The following TMEM130 variants were observed in gnomAD, a reference collection of about 807,000 sequenced individuals.
TMEM130 encodes transmembrane protein 130.
Under a neutral mutation model 42.9 loss-of-function variants are expected in TMEM130, and 37 were observed. The observed-to-expected ratio is 0.86, with a 90% CI of 0.66 to 1.13. TMEM130 has a LOEUF of 1.13. Among genes scored for constraint, TMEM130 ranks in the 50% most tolerant of loss-of-function variants. The probability of loss-of-function intolerance (pLI) is 0.00; values close to 1 mark genes in which losing one functional copy is unlikely to be tolerated. For missense variants in TMEM130, 545 were observed against 562.6 expected (o/e 0.97, Z 0.32); for synonymous variants, 259 against 237.7 (o/e 1.09, Z -0.82).
intron 5 of TMEM130, among the ~76,000 whole-genome samples, chr7:98,852,926 G>A (rs1480329732): frequency 6.6e-6 from 1 of 152,144 alleles, no homozygotes; most frequent in Non-Finnish European, 1.5e-5. Context: ...GGTAGCCAGA[G>A]AAGGCTTCCT....
Position 98,869,205 on chromosome 7 carries a change from C to T in TMEM130, c.85+572G>A. ...CCCACTCCCCCACCCACACACACAC[C>T]CCAGGAACCTGTCAGCTCCGGGTCC... On this transcript the variant is annotated intron_variant, in intron 1 of 7. Transcript: ENST00000339375. The surrounding 1 kb of genome is among the most constrained non-coding windows in gnomAD (Gnocchi z 4.7). 7.8e-7 allele frequency: 1 copy of T among 1,288,960 alleles called. No homozygotes were observed. Among genetic ancestry groups the T allele is most frequent in the Non-Finnish European group, 1.0e-6 (1 of 988,678 alleles). 79.8% of individuals were successfully genotyped at this position (1,288,960 alleles called of 1,614,324 possible). A position where few individuals can be genotyped will look rare whatever the true frequency, so the allele number is the denominator to read the frequency against.
chr7:98,859,730 AAATTAATT>A (rs1407824091), intron 3 of TMEM130, among the ~76,000 whole-genome samples: 1 of 114,332 alleles, frequency 8.7e-6, no homozygotes, highest in African/African-American at 2.6e-5. Context: ...ATAAATAAAT[AAATTAATT>A]AATTAATTAA....
chr7:98,856,291 C>T (rs1794632378), intron 3 of TMEM130, 108 bp from the exon 4 acceptor site: 3 of 1,080,590 alleles, frequency 2.8e-6, no homozygotes, highest in Non-Finnish European at 1.3e-6. Context: ...GGAGGCTGTA[C>T]AGTGATACTC....
At chr7:98,867,262 T>C (rs1554400751) in intron 1 of TMEM130, among the ~76,000 whole-genome samples, 1 of 152,080 alleles carries the variant, frequency 6.6e-6, no homozygotes, top group East Asian at 1.9e-4. Context: ...AGAGTGGGTA[T>C]ATGATATTGA....
intron 5 of TMEM130, 76 bp downstream of exon 5, chr7:98,855,162 GAA>G: frequency 1.5e-6 from 2 of 1,344,900 alleles, no homozygotes; most frequent in Non-Finnish European, 2.1e-6. Flanking sequence ...TCACAGAGCA[GAA>G]CAGACTTGGG....
chr7:98,848,494 A>G, intron 7 of TMEM130, 89 bp downstream of exon 7: 1 of 984,362 alleles, frequency 1.0e-6, no homozygotes, highest in Non-Finnish European at 1.6e-6. Context: ...GACCCCCTCC[A>G]GGCATCCTGG....
intron 1 of TMEM130, among the ~76,000 whole-genome samples, chr7:98,865,098 T>C (rs991790748): frequency 3.9e-5 from 6 of 152,204 alleles, no homozygotes; most frequent in Admixed American, 6.5e-5. Flanking sequence ...GCTTGGCACA[T>C]AGCAGGTGTT....
chr7:98,858,365 AC>A (rs71118637), intron 3 of TMEM130, among the ~76,000 whole-genome samples: 127,578 of 151,722 alleles, frequency 0.84, 53,778 homozygotes, highest in South Asian at 0.88. Context: ...ACATAGTGAG[AC>A]CCCATCTCTA....
At chr7:98,865,073 T>C (rs1794877345) in intron 1 of TMEM130, among the ~76,000 whole-genome samples, 1 of 152,252 alleles carries the variant, frequency 6.6e-6, no homozygotes, top group Non-Finnish European at 1.5e-5. Flanking sequence ...CCATCATCCC[T>C]GTGACCAGCA....
At chr7:98,867,583 T>C (rs1261240874) in intron 1 of TMEM130, among the ~76,000 whole-genome samples, 1 of 152,082 alleles carries the variant, frequency 6.6e-6, no homozygotes, top group Non-Finnish European at 1.5e-5. Flanking sequence ...GACAGACGCA[T>C]GTTATCACGC....
intron 6 of TMEM130, among the ~76,000 whole-genome samples, chr7:98,850,934 G>T (rs1554398105): frequency 6.6e-6 from 1 of 152,190 alleles, no homozygotes; most frequent in African/African-American, 2.4e-5. Flanking sequence ...CATTGGCATG[G>T]TTGCTTTCGG....
chr7:98,858,693 T>C (rs1311052130), intron 3 of TMEM130, among the ~76,000 whole-genome samples: 1 of 151,474 alleles, frequency 6.6e-6, no homozygotes, highest in Non-Finnish European at 1.5e-5. Flanking sequence ...TCTACAAAAA[T>C]ATTTTAAAAT....
At position 98,856,142 on chromosome 7, in the gene TMEM130, T is replaced by C. The variant is rs782510542; in HGVS notation, c.593A>G (p.Tyr198Cys). The part of the protein sequence containing the change: ...VTEDSVVYYN[Y>C]SIIGTFTVKL... ...CACGGTGAAGGTCCCGATGATGGAATAGTTATAATAGACCACGGAGTCTTC... is the reference window on the plus strand; with the variant it reads ...CACGGTGAAGGTCCCGATGATGGAACAGTTATAATAGACCACGGAGTCTTC... The change falls in exon 4 of 8, where the codon TAT (tyrosine) becomes TGT (cysteine). Residue 198 changes from tyrosine to cysteine, a missense_variant. Physicochemically the swap from Tyr to Cys is radical, Grantham distance 194. Transcript: ENST00000339375. 1 of 1,613,972 alleles carries C rather than the reference T, an allele frequency of 6.2e-7. No homozygotes were observed. The highest frequency in any genetic ancestry group is 1.1e-5 in the South Asian group (1 of 91,070).
At chr7:98,862,000 G>A (rs961775379) in intron 2 of TMEM130, among the ~76,000 whole-genome samples, 10 of 152,084 alleles carry the variant, frequency 6.6e-5, no homozygotes, top group Admixed American at 5.9e-4. Flanking sequence ...CAAACTCATT[G>A]TAAGGGTCAC....
intron 7 of TMEM130, 53 bp downstream of exon 7, chr7:98,848,530 A>C: frequency 3.1e-6 from 4 of 1,286,662 alleles, no homozygotes; most frequent in African/African-American, 1.5e-5. Flanking sequence ...CTCTCTAAAC[A>C]TCCTCTCTAG....
At chr7:98,857,341 A>G (rs1201574975) in intron 3 of TMEM130, among the ~76,000 whole-genome samples, 1 of 152,086 alleles carries the variant, frequency 6.6e-6, no homozygotes, top group Non-Finnish European at 1.5e-5. Flanking sequence ...CAACATCTCA[A>G]TGCAACGACT....
Position 98,850,273 on chromosome 7 carries a change from A to ATATATATATAT in TMEM130, c.1006+1147_1006+1148insATATATATATA. Among the ~76,000 whole-genome samples the ATATATATATAT allele has an allele frequency of 5.3e-3, 188 of 35,462 alleles. 7 individuals are homozygous for ATATATATATAT. The highest frequency in any genetic ancestry group is 8.9e-3 in the Non-Finnish European group (141 of 15,808). 23.3% of individuals were successfully genotyped at this position (35,462 alleles called of 152,430 possible). On this transcript the variant is annotated intron_variant, in intron 6 of 7. Transcript: ENST00000339375. The stretch of plus-strand genomic sequence containing the variant: ...CTCATATATATATATATATATATAT[A>ATATATATATAT]TTTTTTTTTTTTTTTAATTTTTTGA...
intron 2 of TMEM130, among the ~76,000 whole-genome samples, chr7:98,861,045 G>C (rs1014865011): frequency 7.3e-5 from 11 of 150,580 alleles, no homozygotes; most frequent in African/African-American, 2.7e-4. Context: ...AAAATTAGCA[G>C]TTCCAATGAC....
At chr7:98,853,865 G>A (rs1794567498) in intron 5 of TMEM130, among the ~76,000 whole-genome samples, 1 of 152,162 alleles carries the variant, frequency 6.6e-6, no homozygotes, top group South Asian at 2.1e-4. Context: ...GTCATGCGGG[G>A]TGCCCCACCC....
Sources: gnomAD v4.1 joint callset for allele counts (sites outside exome capture counted in the v4.1 genomes callset) on GRCh38, gnomAD v4.1.1 for gene constraint, Gnocchi (gnomAD v3.1) non-coding constraint, MANE v1.5 for transcripts, NCBI Gene and HGNC (gene_info 2026-07-23, HGNC 2026-07-21) for gene names.